Variants in KAT6B observed in about 807,000 individuals in gnomAD.
The protein encoded by KAT6B is histone acetyltransferase KAT6B.
In KAT6B, 10 loss-of-function variants were observed where a neutral mutation model predicts 187.5. The observed-to-expected ratio is 0.05, with a 90% confidence interval of 0.03 to 0.09. The LOEUF (loss-of-function observed/expected upper bound fraction) is 0.09. KAT6B is among the 10% of genes least tolerant of loss of function. KAT6B has a pLI of 1.00. For synonymous variants in KAT6B, 861 were observed against 926.8 expected (o/e 0.93, Z 1.29); for missense variants, 1,952 against 2,558.9 (o/e 0.76, Z 5.12).
At chr10:74,875,189 G>GAGTGCTTT in intron 3 of KAT6B, among the ~76,000 whole-genome samples, 1 of 152,308 alleles carries the variant, frequency 6.6e-6, no homozygotes, top group East Asian at 1.9e-4. Context: ...AATAAACACA[G>GAGTGCTTT]AGTGCTTTAA....
chr10:74,961,047 G>A (rs1841062368), intron 4 of KAT6B, among the ~76,000 whole-genome samples: 1 of 152,118 alleles, frequency 6.6e-6, no homozygotes, highest in East Asian at 1.9e-4. Flanking sequence ...TTCAGGTGCT[G>A]ACTAGAAGGG....
chr10:74,886,301 G>A (rs1035021884), intron 3 of KAT6B, among the ~76,000 whole-genome samples: 1 of 152,158 alleles, frequency 6.6e-6, no homozygotes, highest in African/African-American at 2.4e-5. Context: ...GTTGGAGCAG[G>A]CCTCTCAGGC....
chr10:75,030,694 G>A lies in KAT6B; in HGVS notation c.5870G>A (p.Arg1957Gln), dbSNP rs766309420. The A allele has an allele frequency of 1.2e-5, 19 of 1,614,088 alleles. No homozygotes were observed. The highest frequency in any genetic ancestry group is 1.6e-4 in the Middle Eastern group (1 of 6,084). ...SQTVAMQGPA[R>Q]TLTMQRGMNM... is the part of the protein sequence containing the mutation. ...ACTGTAGCCATGCAGGGTCCTGCAC[G>A]GACTTTAACGATGCAAAGAGGCATG... is the stretch of plus-strand genomic sequence containing the variant. The change falls in exon 18 of 18, where the codon CGG becomes CAG. Residue 1957 changes from arginine to glutamine, a missense_variant. This residue lies in a region of KAT6B where 358 missense variants were observed against 436.3 expected (regional missense o/e 0.82). Transcript: ENST00000287239. The surrounding 1 kb of genome is among the most constrained non-coding windows in gnomAD (Gnocchi z 4.8).
At chr10:74,892,013 C>T (rs1235284886) in intron 3 of KAT6B, among the ~76,000 whole-genome samples, 1 of 152,182 alleles carries the variant, frequency 6.6e-6, no homozygotes, top group African/African-American at 2.4e-5. Context: ...GGTGGACATG[C>T]TTCTTAGGCT....
intron 1 of KAT6B, among the ~76,000 whole-genome samples, chr10:74,830,746 A>ATATATATATATATG (rs60102784): frequency 1.4e-3 from 24 of 16,868 alleles, no homozygotes; most frequent in African/African-American, 0.012. Flanking sequence ...ATATATATAT[A>ATATATATATATATG]TATATATATA....
chr10:74,826,550 CG>C (rs1330602094), upstream of KAT6B: 3 of 152,970 alleles, frequency 2.0e-5, no homozygotes, highest in African/African-American at 7.2e-5. Flanking sequence ...GGAGCAGCGG[CG>C]GGGCGGGACC....
intron 12 of KAT6B, among the ~76,000 whole-genome samples, chr10:74,986,637 A>G (rs985508511): frequency 1.3e-5 from 2 of 152,254 alleles, no homozygotes; most frequent in Non-Finnish European, 2.9e-5. Flanking sequence ...GAAAAAGAAG[A>G]AAGTTAATTT....
intron 3 of KAT6B, among the ~76,000 whole-genome samples, chr10:74,874,274 A>G (rs572775577): frequency 1.3e-5 from 2 of 152,168 alleles, no homozygotes; most frequent in African/African-American, 4.8e-5. Context: ...AGACAAATTC[A>G]CTTGGGTGGT....
chr10:74,953,356 A>G (rs1266475685), intron 3 of KAT6B, among the ~76,000 whole-genome samples: 1 of 152,230 alleles, frequency 6.6e-6, no homozygotes, highest in Non-Finnish European at 1.5e-5. Flanking sequence ...AAAATTTTGC[A>G]ATACTCATAA....
At chr10:75,023,849 TA>T (rs1441602947) in intron 16 of KAT6B, 1 of 151,144 alleles carries the variant, frequency 6.6e-6, no homozygotes, top group Non-Finnish European at 1.5e-5. Flanking sequence ...CTATAAAAAA[TA>T]AATAAGTATT....
intron 13 of KAT6B, among the ~76,000 whole-genome samples, chr10:74,991,658 C>G (rs1843130041): frequency 6.6e-6 from 1 of 152,186 alleles, no homozygotes; most frequent in Non-Finnish European, 1.5e-5. Flanking sequence ...GTACACCTAG[C>G]ATTGCCCCTA....
In KAT6B at chr10:74,976,249, A is replaced by G. The variant is rs2133732119; in HGVS notation, c.1912A>G (p.Lys638Glu). ...CAGGATGCTAGGCAGATTAAAATATAAAGTGACCCCTCAGATGGGGACCCC... is the reference window on the plus strand; with the variant it reads ...CAGGATGCTAGGCAGATTAAAATATGAAGTGACCCCTCAGATGGGGACCCC... ...KHRMLGRLKYKVTPQMGTPSP... is the reference protein window; with the variant it reads ...KHRMLGRLKYEVTPQMGTPSP... The change falls in exon 8 of 18, where the codon AAA becomes GAA. Residue 638 changes from lysine (K) to glutamate (E), a missense_variant. Lys to Glu is a moderately conservative substitution (Grantham distance 56). This residue lies in a region of KAT6B where 417 missense variants were observed against 508.9 expected (regional missense o/e 0.82). Transcript: ENST00000287239. 6.2e-7 allele frequency: 1 copy of G among 1,614,180 alleles called. No individual in the cohort carries two copies. The highest frequency in any genetic ancestry group is 8.5e-7 in the Non-Finnish European group (1 of 1,180,022).
intron 3 of KAT6B, among the ~76,000 whole-genome samples, chr10:74,899,685 C>G (rs1032468485): frequency 6.6e-6 from 1 of 152,128 alleles, no homozygotes; most frequent in Non-Finnish European, 1.5e-5. Context: ...CAATAGTCAC[C>G]CTTTTTTGGG....
intron 3 of KAT6B, among the ~76,000 whole-genome samples, chr10:74,929,882 T>G (rs1848748029): frequency 6.6e-6 from 1 of 152,088 alleles, no homozygotes; most frequent in Non-Finnish European, 1.5e-5. Flanking sequence ...TGAAAAATGA[T>G]TGCTTTTCAC....
At chr10:74,898,490 G>A (rs1421969264) in intron 3 of KAT6B, among the ~76,000 whole-genome samples, 1 of 151,458 alleles carries the variant, frequency 6.6e-6, no homozygotes, top group Non-Finnish European at 1.5e-5. Flanking sequence ...TTACTCTGTT[G>A]CTCAAGGCTG....
At chr10:75,002,403 G>A (rs898610715) in intron 13 of KAT6B, among the ~76,000 whole-genome samples, 2 of 151,126 alleles carry the variant, frequency 1.3e-5, no homozygotes, top group African/African-American at 4.9e-5. Flanking sequence ...CAACAAACTA[G>A]GCTAAGCAAG....
intron 3 of KAT6B, among the ~76,000 whole-genome samples, chr10:74,904,317 C>T (rs1404289386): frequency 6.6e-6 from 1 of 152,198 alleles, no homozygotes; most frequent in Non-Finnish European, 1.5e-5. Flanking sequence ...ATCAAAATGT[C>T]AGCAGGGATG....
At chr10:74,830,752 A>ATATATATATATATATATATG (rs1840728396) in intron 1 of KAT6B, among the ~76,000 whole-genome samples, 2 of 22,548 alleles carry the variant, frequency 8.9e-5, no homozygotes, top group African/African-American at 6.5e-4. Flanking sequence ...ATATATATAT[A>ATATATATATATATATATATG]TATATATATA....
intron 10 of KAT6B, among the ~76,000 whole-genome samples, chr10:74,981,343 CTTCCTTTCT>C (rs1554836821): frequency 0.021 from 3,006 of 141,526 alleles, 41 homozygotes; most frequent in Middle Eastern, 0.042. Flanking sequence ...TCCTTCCTTT[CTTCCTTTCT>C]TTCCTTTCTT....
Sources: allele counts gnomAD v4.1 joint callset (sites outside exome capture counted in the v4.1 genomes callset), GRCh38; gene constraint gnomAD v4.1.1; regional missense constraint gnomAD v4.1.1; non-coding constraint Gnocchi (gnomAD v3.1); transcripts MANE v1.5; gene names NCBI Gene and HGNC (gene_info 2026-07-23, HGNC 2026-07-21).